The following GRID2 variants were observed in gnomAD, a reference collection of about 807,000 sequenced individuals.
The protein encoded by GRID2 is glutamate receptor ionotropic, delta-2.
A neutral mutation model predicts 114.8 loss-of-function variants in GRID2; 33 were observed. The observed-to-expected ratio is 0.29, with a 90% CI of 0.22 to 0.38. The LOEUF (loss-of-function observed/expected upper bound fraction) is 0.38. GRID2 is among the 10% of genes least tolerant of loss of function. The probability of loss-of-function intolerance (pLI) is 1.00; values close to 1 mark genes in which losing one functional copy is unlikely to be tolerated. For synonymous variants in GRID2, 505 were observed against 449.9 expected, an observed-to-expected ratio of 1.12 and a Z score of -1.55; for missense variants, 1,184 against 1,257.7, an observed-to-expected ratio of 0.94 and a Z score of 0.89.
chr4:93,455,092 T>C (rs888165853), intron 10 of GRID2, among the ~76,000 whole-genome samples: 3 of 152,118 alleles, frequency 2.0e-5, no homozygotes, highest in Non-Finnish European at 4.4e-5. Context: ...TTCTGAAGTT[T>C]ATACAATACA....
intron 1 of GRID2, among the ~76,000 whole-genome samples, chr4:93,782,889 TCATA>T (rs1180230029): frequency 1.5e-5 from 1 of 68,776 alleles, no homozygotes; most frequent in Non-Finnish European, 2.6e-5. Flanking sequence ...AAACCATGAA[TCATA>T]CACACACACA....
chr4:92,595,081 C>T (rs1728883576), intron 2 of GRID2, among the ~76,000 whole-genome samples: 1 of 151,894 alleles, frequency 6.6e-6, no homozygotes, highest in Non-Finnish European at 1.5e-5. Context: ...TGACAAGATT[C>T]AGCTAAACAA....
At chr4:92,355,964 C>T (rs1021430745) in intron 1 of GRID2, among the ~76,000 whole-genome samples, 2 of 151,254 alleles carry the variant, frequency 1.3e-5, no homozygotes, top group African/African-American at 4.8e-5. Flanking sequence ...GAGAAAAAAA[C>T]ACTGGTTATA....
chr4:92,444,996 G>T lies in GRID2; in HGVS notation c.88+140252G>T, dbSNP rs75714943. On this transcript the variant is annotated intron_variant, in intron 1 of 15. Transcript: ENST00000282020. ...ATATTTGTTTGTTTGTTTGTGAAAG[G>T]ATTTTGGGTATTAGGCAACTGTAGC... Among the ~76,000 whole-genome samples, 606 of 152,188 alleles carry T rather than the reference G, an allele frequency of 4.0e-3. 25 individuals carry two copies. The East Asian group carries it at 0.092, about 23-fold the overall frequency.
intron 3 of GRID2, among the ~76,000 whole-genome samples, chr4:93,107,551 T>G (rs1260379831): frequency 6.6e-6 from 1 of 152,084 alleles, no homozygotes; most frequent in Admixed American, 6.6e-5. Flanking sequence ...TAAAAAAATT[T>G]TTTTTGAGGG....
chr4:93,653,042 A>G (rs566244204), intron 14 of GRID2, among the ~76,000 whole-genome samples: 3 of 152,254 alleles, frequency 2.0e-5, no homozygotes, highest in Non-Finnish European at 4.4e-5. Flanking sequence ...ACATTTTATA[A>G]AAGTCACTCT....
At chr4:93,780,851 A>G (rs530941016) in intron 1 of GRID2, among the ~76,000 whole-genome samples, 45 of 152,344 alleles carry the variant, frequency 3.0e-4, no homozygotes, top group Non-Finnish European at 5.1e-4. Flanking sequence ...ACTGGTAGCA[A>G]TTCATCAAAT....
chr4:92,397,755 T>C (rs62311037), intron 1 of GRID2, among the ~76,000 whole-genome samples: 32,328 of 151,996 alleles, frequency 0.21, 4,251 homozygotes, highest in Non-Finnish European at 0.3. Context: ...AATACAGTAA[T>C]GTCTGAGAAA....
At chr4:93,036,120 TG>T (rs1471379180) in intron 2 of GRID2, among the ~76,000 whole-genome samples, 1 of 152,144 alleles carries the variant, frequency 6.6e-6, no homozygotes, top group Non-Finnish European at 1.5e-5. Context: ...TATATTTCGG[TG>T]GTCATTTAGA....
intron 9 of GRID2, among the ~76,000 whole-genome samples, chr4:93,403,678 A>G (rs1766131940): frequency 6.6e-6 from 1 of 152,162 alleles, no homozygotes; most frequent in Non-Finnish European, 1.5e-5. Flanking sequence ...ACAATGAGCT[A>G]TGACTACAAG....
At chr4:93,568,837 G>A (rs1735673881) in intron 13 of GRID2, among the ~76,000 whole-genome samples, 1 of 152,140 alleles carries the variant, frequency 6.6e-6, no homozygotes, top group Admixed American at 6.6e-5. Context: ...GCCACACTGA[G>A]TTGGCATGTT....
chr4:92,658,791 G>GTA (rs1413369586), intron 2 of GRID2, among the ~76,000 whole-genome samples: 25 of 111,144 alleles, frequency 2.2e-4, no homozygotes, highest in African/African-American at 7.7e-4. Context: ...GTGTGTGTGT[G>GTA]TGTATATATA....
intron 10 of GRID2, among the ~76,000 whole-genome samples, chr4:93,443,746 GA>G (rs1047337991): frequency 6.7e-6 from 1 of 148,834 alleles, no homozygotes; most frequent in Non-Finnish European, 1.5e-5. Context: ...GCTTCATATG[GA>G]AAAAAAACCT....
At chr4:93,128,061 A>AAAAAAG (rs1560908630) in intron 4 of GRID2, among the ~76,000 whole-genome samples, 6 of 84,070 alleles carry the variant, frequency 7.1e-5, no homozygotes, top group East Asian at 4.0e-4. Flanking sequence ...AAAAAAAAAC[A>AAAAAAG]ACAGTACGTG....
chr4:92,842,348 A>G (rs1742971387), intron 2 of GRID2, among the ~76,000 whole-genome samples: 1 of 152,174 alleles, frequency 6.6e-6, no homozygotes, highest in African/African-American at 2.4e-5. Context: ...GGAGAGAACA[A>G]AAACCAAGAA....
chr4:92,542,975 A>G (rs1726056842), intron 1 of GRID2, among the ~76,000 whole-genome samples: 1 of 145,530 alleles, frequency 6.9e-6, no homozygotes, highest in Non-Finnish European at 1.5e-5. Flanking sequence ...ATATGTGCAC[A>G]CATGATGCAC....
rs371011735 is a variant in GRID2, at chr4:93,610,826, C to T, written c.2194-15443C>T. On this transcript the variant is annotated intron_variant, in intron 13 of 15. Transcript: ENST00000282020. Reference sequence around the variant, plus strand: ...TTTGGTATCAGAATGATGCTGGCCTCATAAAATGAGTTAGGGAGGATTCCC... The same window carrying T: ...TTTGGTATCAGAATGATGCTGGCCTTATAAAATGAGTTAGGGAGGATTCCC... Among the ~76,000 whole-genome samples, 16 of 122,094 alleles carry T rather than the reference C, an allele frequency of 1.3e-4. 1 individual carries two copies. The East Asian group carries it at 1.6e-3, about 12-fold the overall frequency. The allele number at this position is 122,094 out of a possible 152,430, so 80.1% of individuals were successfully genotyped here.
At chr4:93,702,403 A>G (rs1727590232) in intron 14 of GRID2, among the ~76,000 whole-genome samples, 1 of 152,160 alleles carries the variant, frequency 6.6e-6, no homozygotes, top group Admixed American at 6.5e-5. Flanking sequence ...ATCCATGTTT[A>G]TATACAGGTA....
intron 2 of GRID2, among the ~76,000 whole-genome samples, chr4:92,689,472 G>GA (rs1734074216): frequency 6.6e-6 from 1 of 152,208 alleles, no homozygotes; most frequent in African/African-American, 2.4e-5. Flanking sequence ...CCACACAGCA[G>GA]AAGGTGACTT....
Sources: gnomAD v4.1 joint callset for allele counts (sites outside exome capture counted in the v4.1 genomes callset) on GRCh38, gnomAD v4.1.1 for gene constraint, MANE v1.5 for transcripts, NCBI Gene and HGNC (gene_info 2026-07-23, HGNC 2026-07-21) for gene names.